NRSN1: variants seen among roughly 807,000 people sequenced by gnomAD.
The protein encoded by NRSN1 is neurensin 1.
Under a neutral mutation model 17.3 loss-of-function variants are expected in NRSN1, and 14 were observed. The observed-to-expected ratio is 0.81, with a 90% CI of 0.54 to 1.27. The LOEUF is 1.27. Ranked by LOEUF, NRSN1 falls within the 50% of genes most tolerant of loss-of-function variation. NRSN1 has a pLI of 0.00. For missense variants in NRSN1, 209 were observed against 235.9 expected, an observed-to-expected ratio of 0.89 and a Z score of 0.75; for synonymous variants, 79 against 94.2, an observed-to-expected ratio of 0.84 and a Z score of 0.93.
chr6:24,144,340 C>T (rs1760265671), intron 3 of NRSN1, among the ~76,000 whole-genome samples: 1 of 152,138 alleles, frequency 6.6e-6, no homozygotes, highest in Non-Finnish European at 1.5e-5. Flanking sequence ...TGTCCATGTC[C>T]TCCAGCCAAA....
Position 24,145,661 on chromosome 6 carries a change from C to T in NRSN1, c.303C>T (p.Val101=), listed in dbSNP as rs764026713. Residue 101 remains valine (V), a synonymous_variant, in exon 4 of 4, where the codon GTC becomes GTT. Transcript: ENST00000378491. This position sits in a 1 kb window ranked among gnomAD's most constrained non-coding sequence, Gnocchi z 4.4. The stretch of plus-strand genomic sequence containing the variant: ...TTGGCGAAGCCGATTTTGTGGTGGT[C>T]GACACACATGCTGTCCAGTTTAACA... The part of the protein sequence containing the change: ...EAFGEADFVV[V]DTHAVQFNSA... 3.1e-6 allele frequency: 5 copies of T among 1,613,896 alleles called. No homozygotes were observed. In the South Asian group the frequency reaches 3.3e-5, roughly 11 times the overall value.
chr6:24,127,647 G>C (rs886403127), intron 1 of NRSN1, among the ~76,000 whole-genome samples: 1 of 152,088 alleles, frequency 6.6e-6, no homozygotes. Flanking sequence ...CATCCAAAGA[G>C]CCTTACGAAG....
intron 2 of NRSN1, chr6:24,129,132 T>A (rs554544891): frequency 1.3e-5 from 2 of 152,366 alleles, no homozygotes; most frequent in South Asian, 2.1e-4. Flanking sequence ...TGAGCTTGTT[T>A]CCCTAATACA....
Position 24,126,279 on chromosome 6 carries a change from C to A in NRSN1, c.-144C>A, listed in dbSNP as rs1759946459. The stretch of plus-strand genomic sequence containing the variant: ...CGGCGGTGGCGACGGCGATGGGACC[C>A]CAGCGAGAGATCTGCAGCTAGGCTG... On this transcript the variant is annotated 5_prime_UTR_variant, in exon 1 of 4. Coordinates refer to ENST00000378491, the MANE Select transcript of NRSN1 (RefSeq NM_080723.5). The A allele has an allele frequency of 5.7e-6, 1 of 174,212 alleles. No individual in the cohort carries two copies. The highest frequency in any genetic ancestry group is 1.2e-5 in the Non-Finnish European group (1 of 83,888). The allele number at this position is 174,212 out of a possible 1,614,324, so 10.8% of individuals were successfully genotyped here. A position where few individuals can be genotyped will look rare whatever the true frequency, so the allele number is the denominator to read the frequency against.
At chr6:24,142,597 T>A (rs537688872) in intron 3 of NRSN1, among the ~76,000 whole-genome samples, 1 of 152,226 alleles carries the variant, frequency 6.6e-6, no homozygotes, top group East Asian at 1.9e-4. Context: ...GTAGCTGGGA[T>A]TACTGGCATG....
chr6:24,145,834 C>T lies in NRSN1; in HGVS notation c.476C>T (p.Ala159Val). The change falls in exon 4 of 4, where the codon GCA (alanine) becomes GTA (valine). Residue 159 changes from alanine (A) to valine (V), a missense_variant. Ala to Val is a moderately conservative substitution (Grantham distance 64, BLOSUM62 0). Transcript: ENST00000378491. The surrounding 1 kb of genome is among the most constrained non-coding windows in gnomAD (Gnocchi z 4.4). Reference sequence around the variant, plus strand: ...CAGCAGAAGTTTAAAGAACGAATCGCAGACATCAAAGCCCACACCCAGCCG... The same window carrying T: ...CAGCAGAAGTTTAAAGAACGAATCGTAGACATCAAAGCCCACACCCAGCCG... ...FLQQKFKERI[A>V]DIKAHTQPVT... The T allele has an allele frequency of 1.2e-6, 2 of 1,614,184 alleles. No homozygotes were observed. The highest frequency in any genetic ancestry group is 2.7e-5 in the African/African-American group (2 of 75,040).
At chr6:24,144,487 G>C (rs1760268566) in intron 3 of NRSN1, among the ~76,000 whole-genome samples, 1 of 152,118 alleles carries the variant, frequency 6.6e-6, no homozygotes, top group African/African-American at 2.4e-5. Context: ...TAGGATGTGG[G>C]CTCTGGTTGG....
chr6:24,142,899 C>T (rs933840797), intron 3 of NRSN1, among the ~76,000 whole-genome samples: 1 of 152,110 alleles, frequency 6.6e-6, no homozygotes, highest in Non-Finnish European at 1.5e-5. Flanking sequence ...GCTTTTATAT[C>T]CTTATTTGGC....
intron 3 of NRSN1, among the ~76,000 whole-genome samples, chr6:24,144,524 C>G (rs1178196942): frequency 6.6e-6 from 1 of 152,034 alleles, no homozygotes; most frequent in Non-Finnish European, 1.5e-5. Flanking sequence ...TCTAATGAAG[C>G]AAGAGTTCAC....
chr6:24,129,235 T>C (rs1316781203), intron 2 of NRSN1: 1 of 152,220 alleles, frequency 6.6e-6, no homozygotes, highest in Non-Finnish European at 1.5e-5. Flanking sequence ...GTGTGTCTCC[T>C]TGTAACCCAA....
chr6:24,137,336 G>A (rs1214118646), intron 3 of NRSN1, among the ~76,000 whole-genome samples: 1 of 152,142 alleles, frequency 6.6e-6, no homozygotes, highest in Non-Finnish European at 1.5e-5. Context: ...TTCTTCAAAT[G>A]TGTAGCTGTC....
At chr6:24,140,883 T>A in intron 3 of NRSN1, 1 of 1,293,768 alleles carries the variant, frequency 7.7e-7, no homozygotes, top group South Asian at 2.9e-5. Flanking sequence ...TTCTGGCATA[T>A]AAATAAGTTC....
At position 24,132,856 on chromosome 6, in the gene NRSN1, CCT is replaced by C. The variant is rs367757851; in HGVS notation, c.-9-1462_-9-1461del. Among the ~76,000 whole-genome samples, 223 of 152,256 alleles carry C rather than the reference CCT, an allele frequency of 1.5e-3. 2 individuals are homozygous for C. The highest frequency in any genetic ancestry group is 5.0e-3 in the African/African-American group (206 of 41,558). On this transcript the variant is annotated intron_variant, in intron 2 of 3. Coordinates refer to ENST00000378491, the MANE Select transcript of NRSN1 (RefSeq NM_080723.5). ...CTCTCCATCCCCTTGCTCCCCACCC[CCT>C]GACAGGTGTGTGATGTTCCCCTCCC...
At chr6:24,127,607 T>C (rs1026845210) in intron 1 of NRSN1, among the ~76,000 whole-genome samples, 4 of 152,198 alleles carry the variant, frequency 2.6e-5, no homozygotes, top group African/African-American at 7.2e-5. Flanking sequence ...AAAACGGATA[T>C]AGGAGTAAAA....
chr6:24,141,093 A>G, intron 3 of NRSN1: 1 of 1,395,482 alleles, frequency 7.2e-7, no homozygotes, highest in Non-Finnish European at 9.3e-7. Context: ...TGCTCTGCTG[A>G]GCCTGGAGGA....
At chr6:24,132,075 A>G (rs1760041960) in intron 2 of NRSN1, among the ~76,000 whole-genome samples, 1 of 152,174 alleles carries the variant, frequency 6.6e-6, no homozygotes, top group African/African-American at 2.4e-5. Context: ...GTTGGTTTTA[A>G]TTGACCAACA....
intron 3 of NRSN1, among the ~76,000 whole-genome samples, chr6:24,142,522 G>A (rs977705908): frequency 3.9e-5 from 6 of 151,914 alleles, no homozygotes; most frequent in African/African-American, 1.5e-4. Context: ...ACAACAATGT[G>A]ATCTCGGCTC....
At chr6:24,129,253 T>C (rs913979733) in intron 2 of NRSN1, 18 of 152,184 alleles carry the variant, frequency 1.2e-4, no homozygotes, top group African/African-American at 4.3e-4. Flanking sequence ...CAAGAGTCCA[T>C]TGAGGGCAGA....
intron 3 of NRSN1, among the ~76,000 whole-genome samples, chr6:24,142,129 T>A (rs952602728): frequency 1.1e-4 from 16 of 150,682 alleles, no homozygotes; most frequent in African/African-American, 3.4e-4. Flanking sequence ...TAGAAAGCAA[T>A]CCAAAATGTT....
Sources: gnomAD v4.1 joint callset for allele counts (sites outside exome capture counted in the v4.1 genomes callset) on GRCh38, gnomAD v4.1.1 for gene constraint, Gnocchi (gnomAD v3.1) non-coding constraint, MANE v1.5 for transcripts, NCBI Gene and HGNC (gene_info 2026-07-23, HGNC 2026-07-21) for gene names.